CTIF: variants seen among roughly 807,000 people sequenced by gnomAD.
CTIF encodes CBP80/20-dependent translation initiation factor.
A neutral mutation model predicts 66.0 loss-of-function variants in CTIF; 21 were observed. The ratio of observed to expected loss-of-function variants is 0.32; its 90% CI spans 0.23 to 0.46. CTIF has a LOEUF of 0.46. CTIF is among the 20% of genes least tolerant of loss of function. The probability of loss-of-function intolerance (pLI) is 1.00; values close to 1 mark genes in which losing one functional copy is unlikely to be tolerated. For synonymous variants in CTIF, 345 were observed against 326.4 expected (o/e 1.06, Z -0.62); for missense variants, 739 against 812.7 (o/e 0.91, Z 1.10).
intron 7 of CTIF, among the ~76,000 whole-genome samples, chr18:48,757,470 T>C (rs1908498891): frequency 6.6e-6 from 1 of 152,208 alleles, no homozygotes; most frequent in South Asian, 2.1e-4. Context: ...AGGAAGGTGC[T>C]TGTAAGAAGC....
At chr18:48,701,293 C>G (rs2092080803) in intron 6 of CTIF, among the ~76,000 whole-genome samples, 1 of 152,130 alleles carries the variant, frequency 6.6e-6, no homozygotes, top group South Asian at 2.1e-4. Flanking sequence ...ATTTTCAGTT[C>G]AGAAGTGTGT....
Position 48,617,686 on chromosome 18 carries a change from C to A in CTIF, c.-28-1852C>A, listed in dbSNP as rs552159644. Among the ~76,000 whole-genome samples the A allele has an allele frequency of 2.0e-5, 3 of 152,200 alleles. No homozygotes were observed. In the East Asian group the frequency reaches 5.8e-4, roughly 29 times the overall value. ...ACCTCCCATGCCCCTGCCTGTGGCC[C>A]TTGCCACCAGATGTGCATAGCCCAA... On this transcript the variant is annotated intron_variant, in intron 1 of 11. Coordinates refer to ENST00000256413, the MANE Select transcript of CTIF (RefSeq NM_014772.3).
At chr18:48,596,331 G>A (rs781474121) in intron 1 of CTIF, among the ~76,000 whole-genome samples, 4 of 152,132 alleles carry the variant, frequency 2.6e-5, no homozygotes, top group Admixed American at 6.5e-5. Context: ...ATAGTTGACC[G>A]CTATCTTCAA....
intron 3 of CTIF, among the ~76,000 whole-genome samples, chr18:48,661,587 G>A (rs1375650238): frequency 6.6e-6 from 1 of 152,144 alleles, no homozygotes; most frequent in Non-Finnish European, 1.5e-5. Context: ...CTTGGAGCAA[G>A]CAGGGCCCCA....
At chr18:48,550,412 G>T (rs145847111) in intron 1 of CTIF, among the ~76,000 whole-genome samples, 1 of 152,330 alleles carries the variant, frequency 6.6e-6, no homozygotes, top group East Asian at 1.9e-4. Context: ...GAGTTCTGTT[G>T]TCCCTGCTGA....
At chr18:48,621,764 TAGG>T (rs1314411173) in intron 2 of CTIF, 1 of 243,890 alleles carries the variant, frequency 4.1e-6, no homozygotes, top group Non-Finnish European at 8.2e-6. Context: ...GCCTGGAGAC[TAGG>T]AGAATAGTAC....
intron 9 of CTIF, among the ~76,000 whole-genome samples, chr18:48,764,321 C>T (rs1199929468): frequency 6.6e-6 from 1 of 152,212 alleles, no homozygotes; most frequent in Non-Finnish European, 1.5e-5. Context: ...CAGCTTTGTC[C>T]TTAAAAGGTT....
At chr18:48,792,448 C>T (rs182906743) in intron 9 of CTIF, among the ~76,000 whole-genome samples, 3 of 152,234 alleles carry the variant, frequency 2.0e-5, no homozygotes, top group East Asian at 1.9e-4. Context: ...GTTTTAATAG[C>T]GTCACTCAGG....
At chr18:48,789,287 C>A (rs145779776) in intron 9 of CTIF, among the ~76,000 whole-genome samples, 30 of 152,272 alleles carry the variant, frequency 2.0e-4, no homozygotes, top group Non-Finnish European at 3.5e-4. Flanking sequence ...GTTGTGTAAC[C>A]TTGAATGGGT....
At chr18:48,710,464 C>G (rs977146390) in intron 6 of CTIF, among the ~76,000 whole-genome samples, 2 of 152,176 alleles carry the variant, frequency 1.3e-5, no homozygotes, top group Non-Finnish European at 2.9e-5. Flanking sequence ...CTTGGTACCC[C>G]CTACTCCACC....
intron 3 of CTIF, among the ~76,000 whole-genome samples, chr18:48,640,116 G>C (rs565161627): frequency 9.8e-4 from 150 of 152,290 alleles, no homozygotes; most frequent in East Asian, 1.9e-4. Flanking sequence ...GGATGCTGCT[G>C]TTCCCTTCAT....
intron 2 of CTIF, among the ~76,000 whole-genome samples, chr18:48,634,736 G>C (rs955675610): frequency 6.6e-6 from 1 of 152,206 alleles, no homozygotes; most frequent in Non-Finnish European, 1.5e-5. Flanking sequence ...CCCCTCTGCA[G>C]TATAGTGGGG....
At chr18:48,598,840 G>A (rs746122914) in intron 1 of CTIF, among the ~76,000 whole-genome samples, 14 of 152,284 alleles carry the variant, frequency 9.2e-5, no homozygotes, top group East Asian at 1.9e-4. Flanking sequence ...GACCCAGAAC[G>A]GAGACACTGT....
intron 2 of CTIF, among the ~76,000 whole-genome samples, chr18:48,630,452 G>A (rs964470051): frequency 7.2e-5 from 11 of 152,152 alleles, no homozygotes; most frequent in Non-Finnish European, 1.2e-4. Context: ...CAAGAATAGT[G>A]CAAGGCAGAT....
chr18:48,648,490 C>CACACACACACAA (rs1568103170), intron 3 of CTIF, among the ~76,000 whole-genome samples: 1 of 151,236 alleles, frequency 6.6e-6, no homozygotes, highest in Non-Finnish European at 1.5e-5. Flanking sequence ...CACACACACG[C>CACACACACACAA]ACACACACAC....
chr18:48,691,667 GTCC>G (rs944273956), intron 6 of CTIF, among the ~76,000 whole-genome samples: 3 of 152,068 alleles, frequency 2.0e-5, no homozygotes, highest in African/African-American at 7.2e-5. Context: ...TTGTGAGTCT[GTCC>G]TCCTCAAAGA....
At chr18:48,683,450 G>T (rs538507169) in intron 6 of CTIF, among the ~76,000 whole-genome samples, 47 of 150,990 alleles carry the variant, frequency 3.1e-4, no homozygotes, top group Non-Finnish European at 6.7e-4. Flanking sequence ...CTGCCCCCGA[G>T]CCTCACCCTC....
At chr18:48,664,166 T>C (rs1173358340) in intron 4 of CTIF, among the ~76,000 whole-genome samples, 1 of 152,138 alleles carries the variant, frequency 6.6e-6, no homozygotes, top group Non-Finnish European at 1.5e-5. Context: ...TCCCTGGCCT[T>C]CCTCAAATGT....
At chr18:48,765,109 C>T (rs765464789) in intron 9 of CTIF, among the ~76,000 whole-genome samples, 10 of 152,218 alleles carry the variant, frequency 6.6e-5, no homozygotes, top group Admixed American at 2.6e-4. Context: ...GAAAAGAAAG[C>T]GATGGGCTGG....
Sources: gnomAD v4.1 joint callset for allele counts (sites outside exome capture counted in the v4.1 genomes callset) on GRCh38, gnomAD v4.1.1 for gene constraint, MANE v1.5 for transcripts, NCBI Gene and HGNC (gene_info 2026-07-23, HGNC 2026-07-21) for gene names.